The following IDUA variants were observed in gnomAD, a reference collection of about 807,000 sequenced individuals.
IDUA encodes alpha-L-iduronidase.
A neutral mutation model predicts 68.9 loss-of-function variants in IDUA; 65 were observed. That is an observed-to-expected ratio of 0.94 (90% CI 0.77 to 1.16). The LOEUF is 1.16. Among genes scored for constraint, IDUA ranks in the 50% most tolerant of loss-of-function variants. The pLI, the probability that IDUA is intolerant of heterozygous loss-of-function variation, is 0.00. For synonymous variants in IDUA, 529 were observed against 433.6 expected, an observed-to-expected ratio of 1.22 and a Z score of -2.73; for missense variants, 1,046 against 938.0, an observed-to-expected ratio of 1.12 and a Z score of -1.50.
At chr4:988,843 G>A (rs1216707021) in intron 2 of IDUA, 2 of 1,597,486 alleles carry the variant, frequency 1.3e-6, no homozygotes, top group African/African-American at 1.3e-5. Flanking sequence ...CTACAGATGG[G>A]CATCGGTGGC....
chr4:991,569 G>T, intron 2 of IDUA: 1 of 1,602,666 alleles, frequency 6.2e-7, no homozygotes, highest in South Asian at 1.1e-5. Context: ...GCGCCCGGAC[G>T]CACAGCACAC....
chr4:1,003,895 G>C, intron 12 of IDUA, 117 bp from the exon 13 acceptor site: 2 of 931,566 alleles, frequency 2.1e-6, no homozygotes, highest in Admixed American at 3.4e-5. Context: ...GGGCTGGGGA[G>C]GTGCCGCCGA....
rs553282198 is a variant in IDUA at position 1,004,268 on chromosome 4, G to A, written c.1837G>A (p.Ala613Thr). The A allele has an allele frequency of 1.1e-5, 17 of 1,610,000 alleles. No homozygotes were observed. In the South Asian group the frequency reaches 1.9e-4, roughly 18 times the overall value. The change falls in exon 14 of 14, where the codon GCT becomes ACT. Residue 613 changes from alanine (A) to threonine (T), a missense_variant. By Grantham distance (58) the Ala-to-Thr change is moderately conservative. Transcript: ENST00000514224. This position sits in a 1 kb window ranked among gnomAD's most constrained non-coding sequence, Gnocchi z 5.0. Reference protein sequence around the residue: ...NLFVFSPDTGAVSGSYRVRAL... With the variant: ...NLFVFSPDTGTVSGSYRVRAL... ...TGTCCCCTTGTCTCCAGACACAGGT[G>A]CTGTCTCTGGCTCCTACCGAGTTCG... is the stretch of plus-strand genomic sequence containing the variant.
rs750448829 is a variant in IDUA at position 990,058 on chromosome 4, G to A, written c.299+2109G>A. On this transcript the variant is annotated intron_variant, in intron 2 of 13. Coordinates refer to ENST00000514224, the MANE Select transcript of IDUA (RefSeq NM_000203.5). Reference sequence around the variant, plus strand: ...GGCCACCACGATGACCAGCAGCTCCGTGGGCAGCGGCACCCTCAGGCGGTG... The same window carrying A: ...GGCCACCACGATGACCAGCAGCTCCATGGGCAGCGGCACCCTCAGGCGGTG... The A allele has an allele frequency of 3.9e-5, 62 of 1,601,288 alleles. 1 individual carries two copies. The highest frequency in any genetic ancestry group is 1.6e-4 in the Middle Eastern group (1 of 6,072).
chr4:1,003,370 C>G lies in IDUA; in HGVS notation c.1550C>G (p.Pro517Arg), dbSNP rs1051249739. The G allele has an allele frequency of 3.1e-5, 46 of 1,488,688 alleles. No homozygotes were observed. Among genetic ancestry groups the G allele is most frequent in the Non-Finnish European group, 4.0e-5 (45 of 1,128,820 alleles). The allele number at this position is 1,488,688 out of a possible 1,614,324, so 92.2% of individuals were successfully genotyped here. A position where few individuals can be genotyped will look rare whatever the true frequency, so the allele number is the denominator to read the frequency against. The stretch of plus-strand genomic sequence containing the variant: ...GACCCGGTGGCCGCGGCGCCCCGCC[C>G]CTTACCCGCCGGCGGCCGCCTGACC... ...AEDPVAAAPR[P>R]LPAGGRLTLR... The change falls in exon 11 of 14, where the codon CCC (proline) becomes CGC (arginine). Residue 517 changes from proline (P) to arginine (R), a missense_variant. By Grantham distance (103) the Pro-to-Arg change is moderately radical. Transcript: ENST00000514224.
At chr4:1,003,293 C>T in intron 10 of IDUA, 52 bp from the exon 11 acceptor site, 1 of 1,385,812 alleles carries the variant, frequency 7.2e-7, no homozygotes, top group Non-Finnish European at 9.3e-7. Flanking sequence ...GAGGTCGGGC[C>T]GAGCGTCCCC....
chr4:987,682 T>G, intron 1 of IDUA, 127 bp from the exon 2 acceptor site: 2 of 1,507,116 alleles, frequency 1.3e-6, no homozygotes, highest in East Asian at 4.9e-5. Flanking sequence ...GTCATTTTAT[T>G]AGTCACTGAA....
intron 12 of IDUA, 29 bp from the exon 13 acceptor site, chr4:1,003,983 C>T (rs1395836197): frequency 6.4e-7 from 1 of 1,570,694 alleles, no homozygotes; most frequent in African/African-American, 1.4e-5. Context: ...GTCTTGACCC[C>T]AGCCTTGTTC....
intron 2 of IDUA, among the ~76,000 whole-genome samples, chr4:1,000,314 G>C (rs1714995904): frequency 6.6e-6 from 1 of 152,216 alleles, no homozygotes; most frequent in African/African-American, 2.4e-5. Flanking sequence ...CCTGGCCCCT[G>C]CTGCTCGCGA....
At chr4:990,037 A>C in intron 2 of IDUA, 1 of 1,597,912 alleles carries the variant, frequency 6.3e-7, no homozygotes, top group African/African-American at 1.3e-5. Flanking sequence ...GAGTGTGGCC[A>C]CCACGATGAC....
intron 2 of IDUA, chr4:991,914 C>A: frequency 9.6e-7 from 1 of 1,042,420 alleles, no homozygotes; most frequent in Non-Finnish European, 1.4e-6. Context: ...GACGCTGGGC[C>A]CTGCTGGATC....
chr4:1,003,938 C>A, intron 12 of IDUA, 74 bp from the exon 13 acceptor site: 1 of 1,234,236 alleles, frequency 8.1e-7, no homozygotes, highest in South Asian at 1.2e-5. Flanking sequence ...TGGGTCCACG[C>A]GGCCGTGCCC....
rs1553917627 is a variant in IDUA, at chr4:1,003,606, G to C, written c.1708G>C (p.Asp570His). The change falls in exon 12 of 14, where the codon GAT (aspartate) becomes CAT (histidine). Residue 570 changes from aspartate to histidine, a missense_variant. Asp to His is a moderately conservative substitution (Grantham distance 81). Coordinates refer to ENST00000514224, the MANE Select transcript of IDUA (RefSeq NM_000203.5). ...AGGGCAGCTGGTTCTGGTCTGGTCG[G>C]ATGAACACGTGGGCTCCAAGTGCGT... ...TQGQLVLVWSDEHVGSKCLWT... is the reference protein window; with the variant it reads ...TQGQLVLVWSHEHVGSKCLWT... 6.2e-7 allele frequency: 1 copy of C among 1,612,460 alleles called. No individual in the cohort carries two copies. Among genetic ancestry groups the C allele is most frequent in the Non-Finnish European group, 8.5e-7 (1 of 1,179,826 alleles).
At chr4:992,561 C>G (rs1414673611) in intron 2 of IDUA, among the ~76,000 whole-genome samples, 2 of 152,246 alleles carry the variant, frequency 1.3e-5, no homozygotes, top group African/African-American at 4.8e-5. Flanking sequence ...GCGTCTGTCT[C>G]CCCTGCCCAG....
chr4:1,003,209 G>T, intron 10 of IDUA, 52 bp downstream of exon 10: 2 of 1,288,022 alleles, frequency 1.6e-6, no homozygotes, highest in Non-Finnish European at 9.8e-7. Context: ...GGTCCCGGGG[G>T]GGTGGGGTCC....
At position 1,000,921 on chromosome 4, in the gene IDUA, A is replaced by C; in HGVS notation, c.425A>C (p.Asp142Ala). 1 of 1,613,466 alleles carries C rather than the reference A, an allele frequency of 6.2e-7. No individual in the cohort carries two copies. The highest frequency in any genetic ancestry group is 8.5e-7 in the Non-Finnish European group (1 of 1,179,950). ...LMGSASGHFT[D>A]FEDKQQVFEW... is the part of the protein sequence containing the mutation. Reference sequence around the variant, plus strand: ...GGCAGCGCCTCGGGCCACTTCACTGACTTTGAGGACAAGCAGCAGGTGTTT... The same window carrying C: ...GGCAGCGCCTCGGGCCACTTCACTGCCTTTGAGGACAAGCAGCAGGTGTTT... Residue 142 changes from aspartate (D) to alanine (A), a missense_variant, in exon 4 of 14, where the codon GAC becomes GCC. Coordinates refer to ENST00000514224, the MANE Select transcript of IDUA (RefSeq NM_000203.5).
intron 1 of IDUA, chr4:987,545 T>C: frequency 8.7e-7 from 1 of 1,146,264 alleles, no homozygotes. Context: ...GTCCCATTCC[T>C]TCCACCTAGA....
chr4:989,081 G>C, intron 2 of IDUA: 1 of 1,595,318 alleles, frequency 6.3e-7, no homozygotes, highest in Non-Finnish European at 8.5e-7. Flanking sequence ...TCTAGGAACA[G>C]CAGCGGGGCG....
intron 2 of IDUA, chr4:991,110 C>A (rs758772049): frequency 5.9e-6 from 9 of 1,521,410 alleles, no homozygotes; most frequent in Non-Finnish European, 7.1e-6. Context: ...CTCCCTGTGC[C>A]CAAGCAGGGC....
Sources: allele counts gnomAD v4.1 joint callset (sites outside exome capture counted in the v4.1 genomes callset), GRCh38; gene constraint gnomAD v4.1.1; non-coding constraint Gnocchi (gnomAD v3.1); transcripts MANE v1.5; gene names NCBI Gene and HGNC (gene_info 2026-07-23, HGNC 2026-07-21).